Variants in SPOCK1 observed in about 807,000 individuals in gnomAD.
SPOCK1 encodes the protein SPARC (osteonectin), cwcv and kazal like domains proteoglycan 1.
In SPOCK1, 23 loss-of-function variants were observed where a neutral mutation model predicts 55.3. That is an observed-to-expected ratio of 0.42 (90% confidence interval 0.30 to 0.59). SPOCK1 has a LOEUF of 0.59. Ranked by LOEUF, SPOCK1 falls within the 20% of genes least tolerant of loss-of-function variation. The pLI is 0.22. For missense variants in SPOCK1, 499 were observed against 552.5 expected, an observed-to-expected ratio of 0.90 and a Z score of 0.97; for synonymous variants, 226 against 221.0, an observed-to-expected ratio of 1.02 and a Z score of -0.20.
At chr5:137,478,859 G>T (rs1753891456) in intron 2 of SPOCK1, among the ~76,000 whole-genome samples, 2 of 151,966 alleles carry the variant, frequency 1.3e-5, no homozygotes, top group South Asian at 4.2e-4. Context: ...GAAGATAGGG[G>T]TAGGGGGGCA....
At chr5:137,262,675 C>T (rs1027822126) in intron 3 of SPOCK1, among the ~76,000 whole-genome samples, 14 of 152,136 alleles carry the variant, frequency 9.2e-5, no homozygotes, top group African/African-American at 2.7e-4. Context: ...TCTTCAGCTC[C>T]AATAATGGGG....
At chr5:137,408,039 AGAT>A (rs1473990474) in intron 2 of SPOCK1, among the ~76,000 whole-genome samples, 5 of 151,238 alleles carry the variant, frequency 3.3e-5, no homozygotes, top group African/African-American at 1.2e-4. Flanking sequence ...GACTCTTTGT[AGAT>A]GATATTTCAT....
At chr5:136,995,050 C>T (rs1481817381) in intron 6 of SPOCK1, among the ~76,000 whole-genome samples, 1 of 152,102 alleles carries the variant, frequency 6.6e-6, no homozygotes, top group Non-Finnish European at 1.5e-5. Context: ...TCCTCAGTTG[C>T]ACCACTGCAT....
chr5:137,112,852 G>A (rs2074586), intron 4 of SPOCK1, among the ~76,000 whole-genome samples: 58,469 of 143,612 alleles, frequency 0.41, 12,119 homozygotes, highest in East Asian at 0.49. Flanking sequence ...GAAAAAAAAA[G>A]AAAAAAAACG....
chr5:137,348,094 G>T (rs1750599207), intron 2 of SPOCK1, among the ~76,000 whole-genome samples: 1 of 152,166 alleles, frequency 6.6e-6, no homozygotes, highest in Non-Finnish European at 1.5e-5. Flanking sequence ...AGAGACAGCA[G>T]GGCCAAGTTT....
At chr5:136,984,437 G>A (rs970889100) in intron 9 of SPOCK1, among the ~76,000 whole-genome samples, 46 of 151,968 alleles carry the variant, frequency 3.0e-4, no homozygotes, top group African/African-American at 1.1e-3. Context: ...TAAAAGCAAG[G>A]AAAGCAAAGC....
chr5:137,360,782 C>A (rs1219327733), intron 2 of SPOCK1, among the ~76,000 whole-genome samples: 7 of 152,206 alleles, frequency 4.6e-5, no homozygotes, highest in African/African-American at 1.7e-4. Context: ...TCTCAAACTT[C>A]CTCCAAAGAG....
At chr5:137,220,779 A>T (rs1755832744) in intron 3 of SPOCK1, among the ~76,000 whole-genome samples, 1 of 152,210 alleles carries the variant, frequency 6.6e-6, no homozygotes. Flanking sequence ...TAGGTAGGTG[A>T]GTGAGTGAAT....
intron 3 of SPOCK1, among the ~76,000 whole-genome samples, chr5:137,220,409 GATC>G (rs1755824593): frequency 6.6e-6 from 1 of 152,146 alleles, no homozygotes; most frequent in African/African-American, 2.4e-5. Flanking sequence ...GCCATGAATG[GATC>G]ATCATTTTCT....
At chr5:137,255,320 T>C (rs921813577) in intron 3 of SPOCK1, among the ~76,000 whole-genome samples, 2 of 152,216 alleles carry the variant, frequency 1.3e-5, no homozygotes, top group African/African-American at 4.8e-5. Flanking sequence ...GGGAACATAG[T>C]GCTCTGTGTG....
At chr5:137,092,074 C>A (rs1753063522) in intron 5 of SPOCK1, among the ~76,000 whole-genome samples, 1 of 152,190 alleles carries the variant, frequency 6.6e-6, no homozygotes, top group Non-Finnish European at 1.5e-5. Context: ...CCCTGCCACT[C>A]CATCCACCTT....
intron 3 of SPOCK1, among the ~76,000 whole-genome samples, chr5:137,181,261 G>A (rs532725200): frequency 2.6e-5 from 4 of 152,336 alleles, no homozygotes; most frequent in Admixed American, 2.6e-4. Flanking sequence ...TGGTGTACAA[G>A]GGTCTAGTCT....
At chr5:137,457,714 T>G (rs980401777) in intron 2 of SPOCK1, among the ~76,000 whole-genome samples, 1 of 152,140 alleles carries the variant, frequency 6.6e-6, no homozygotes, top group African/African-American at 2.4e-5. Context: ...GATGCAAAGA[T>G]TAAAAAGCAC....
At chr5:137,216,673 T>C (rs1361288777) in intron 3 of SPOCK1, among the ~76,000 whole-genome samples, 1 of 152,060 alleles carries the variant, frequency 6.6e-6, no homozygotes. Flanking sequence ...ATCACACCAC[T>C]GCACTGCAGC....
At chr5:137,195,888 G>T (rs1370712862) in intron 3 of SPOCK1, among the ~76,000 whole-genome samples, 1 of 152,140 alleles carries the variant, frequency 6.6e-6, no homozygotes, top group Non-Finnish European at 1.5e-5. Flanking sequence ...ATGCAGAATT[G>T]TGTGCACCCC....
intron 3 of SPOCK1, among the ~76,000 whole-genome samples, chr5:137,160,146 G>C (rs1004076518): frequency 2.6e-5 from 4 of 151,234 alleles, no homozygotes; most frequent in African/African-American, 9.7e-5. Flanking sequence ...AAAGTCCATT[G>C]TATCATTCTT....
intron 2 of SPOCK1, among the ~76,000 whole-genome samples, chr5:137,440,741 A>C (rs1050299203): frequency 6.6e-6 from 1 of 152,220 alleles, no homozygotes; most frequent in African/African-American, 2.4e-5. Context: ...ATTTGATTTA[A>C]GCTTTTATTC....
At chr5:137,262,346 G>A (rs535812336) in intron 3 of SPOCK1, among the ~76,000 whole-genome samples, 75 of 152,280 alleles carry the variant, frequency 4.9e-4, no homozygotes, top group African/African-American at 1.7e-3. Context: ...CAGGGAGCCT[G>A]GTCCACATAC....
At chr5:137,328,420 G>A (rs1758115431) in intron 2 of SPOCK1, among the ~76,000 whole-genome samples, 1 of 152,254 alleles carries the variant, frequency 6.6e-6, no homozygotes, top group African/African-American at 2.4e-5. Flanking sequence ...TATGATCCAT[G>A]TGGTCTTCAG....
Sources: gnomAD v4.1 joint callset for allele counts (sites outside exome capture counted in the v4.1 genomes callset) on GRCh38, gnomAD v4.1.1 for gene constraint, MANE v1.5 for transcripts, NCBI Gene and HGNC (gene_info 2026-07-23, HGNC 2026-07-21) for gene names.